Variants in RNF157 observed in about 807,000 individuals in gnomAD.
RNF157 encodes ring finger protein 157.
A neutral mutation model predicts 88.3 loss-of-function variants in RNF157; 55 were observed. That is an observed-to-expected ratio of 0.62 (90% CI 0.50 to 0.78). The LOEUF is 0.78. Among genes scored for constraint, RNF157 ranks in the 30% least tolerant of loss-of-function variants. RNF157 has a pLI of 0.00. For missense variants in RNF157, 788 were observed against 860.8 expected, an observed-to-expected ratio of 0.92 and a Z score of 1.06; for synonymous variants, 334 against 341.2, an observed-to-expected ratio of 0.98 and a Z score of 0.23.
At position 76,144,895 on chromosome 17, in the gene RNF157, C is replaced by G. The variant is rs902840424; in HGVS notation, c.*340G>C. On this transcript the variant is annotated 3_prime_UTR_variant, in exon 19 of 19. Coordinates refer to ENST00000269391, the MANE Select transcript of RNF157 (RefSeq NM_052916.3). Reference sequence around the variant, plus strand: ...ATGTTTGTAACAAAGCTGCCAAACTCTAAGCCTTCTTGTTCTACCCCCTAA... The same window carrying G: ...ATGTTTGTAACAAAGCTGCCAAACTGTAAGCCTTCTTGTTCTACCCCCTAA... 9.1e-6 allele frequency: 2 copies of G among 218,996 alleles called. No individual in the cohort carries two copies. Among genetic ancestry groups the G allele is most frequent in the Non-Finnish European group, 1.8e-5 (2 of 111,376 alleles). 13.6% of individuals were successfully genotyped at this position (218,996 alleles called of 1,614,324 possible).
intron 1 of RNF157, among the ~76,000 whole-genome samples, chr17:76,234,691 G>A (rs1437278696): frequency 1.3e-5 from 2 of 152,124 alleles, no homozygotes; most frequent in Non-Finnish European, 2.9e-5. Context: ...TTCAAGTGCT[G>A]TGACCATTTT....
At chr17:76,192,572 G>A (rs2069405366) in intron 2 of RNF157, among the ~76,000 whole-genome samples, 4 of 152,136 alleles carry the variant, frequency 2.6e-5, no homozygotes, top group Admixed American at 2.6e-4. Context: ...TGACTCTTTA[G>A]ATTTTGAATA....
At chr17:76,165,425 C>A in intron 7 of RNF157, 77 bp downstream of exon 7, 1 of 1,478,880 alleles carries the variant, frequency 6.8e-7, no homozygotes, top group South Asian at 1.1e-5. Context: ...CTCAGGCACC[C>A]AGCAAACGGG....
intron 4 of RNF157, 28 bp from the exon 5 acceptor site, chr17:76,167,154 A>G (rs776813864): frequency 6.4e-7 from 1 of 1,551,566 alleles, no homozygotes; most frequent in South Asian, 1.1e-5. Context: ...AGGCAAAGCA[A>G]AAGTCAGTAT....
chr17:76,164,782 G>C lies in RNF157; in HGVS notation c.686C>G (p.Thr229Ser), dbSNP rs765996279. The change falls in exon 8 of 19, where the codon ACT (threonine) becomes AGT (serine). Residue 229 changes from threonine to serine, a missense_variant. Thr to Ser is a moderately conservative substitution (Grantham distance 58). Transcript: ENST00000269391. The part of the protein sequence containing the change: ...LGTFEKHTDG[T>S]FCVKPLKQKQ... ...CTGTTTGAGGGGCTTGACACAGAAA[G>C]TTCCATCTGTGTGCTGGAATGAAAA... 3 of 1,611,236 alleles carry C rather than the reference G, an allele frequency of 1.9e-6. No individual in the cohort carries two copies. Among genetic ancestry groups the C allele is most frequent in the Admixed American group, 1.7e-5 (1 of 59,936 alleles).
rs542278719 is a variant in RNF157 at position 76,177,713 on chromosome 17, G to T, written c.208-3923C>A. Among the ~76,000 whole-genome samples the T allele has an allele frequency of 2.0e-3, 301 of 152,200 alleles. 1 individual carries two copies. Among genetic ancestry groups the T allele is most frequent in the African/African-American group, 6.8e-3 (281 of 41,538 alleles). On this transcript the variant is annotated intron_variant, in intron 2 of 18. Transcript: ENST00000269391. The stretch of plus-strand genomic sequence containing the variant: ...TCCTCCCCTCTGAGGCCCATAAAAG[G>T]CCCAGGCTCAGCCAGAACAGAGCAG...
intron 1 of RNF157, among the ~76,000 whole-genome samples, chr17:76,224,214 T>C (rs2070038051): frequency 1.3e-5 from 2 of 152,230 alleles, no homozygotes; most frequent in Admixed American, 6.6e-5. Context: ...ATTAAATAAT[T>C]TGCCTAATCA....
chr17:76,161,404 C>G lies in RNF157; in HGVS notation c.1065+131G>C. ...GTTGGTTTTAACGCATGCTCTCAGCCGGCTTGCTAAATACTGCAGCATGCC... is the reference window on the plus strand; with the variant it reads ...GTTGGTTTTAACGCATGCTCTCAGCGGGCTTGCTAAATACTGCAGCATGCC... On this transcript the variant is annotated intron_variant, in intron 11 of 18. Coordinates refer to ENST00000269391, the MANE Select transcript of RNF157 (RefSeq NM_052916.3). The surrounding 1 kb of genome is among the most constrained non-coding windows in gnomAD (Gnocchi z 4.6). 1.4e-6 allele frequency: 1 copy of G among 732,490 alleles called. No homozygotes were observed. Among genetic ancestry groups the G allele is most frequent in the Non-Finnish European group, 2.4e-6 (1 of 423,400 alleles). 45.4% of individuals were successfully genotyped at this position (732,490 alleles called of 1,614,324 possible). A position where few individuals can be genotyped will look rare whatever the true frequency, so the allele number is the denominator to read the frequency against.
intron 16 of RNF157, among the ~76,000 whole-genome samples, chr17:76,154,989 G>A (rs1210610191): frequency 1.3e-5 from 2 of 152,210 alleles, no homozygotes; most frequent in East Asian, 1.9e-4. Context: ...AAGGCCAGGG[G>A]CTGGCCAGAA....
rs556576371 is a variant in RNF157 at position 76,161,671 on chromosome 17, C to T, written c.953-24G>A. The T allele has an allele frequency of 5.0e-6, 8 of 1,596,568 alleles. No individual in the cohort carries two copies. In the South Asian group the frequency reaches 8.8e-5, roughly 18 times the overall value. ...GGCTGTGAAGGAGAAAACAGGCAAT[C>T]AGGACATCCTGATACAGGATTAAGA... On this transcript the variant is annotated intron_variant, in intron 10 of 18. Coordinates refer to ENST00000269391, the MANE Select transcript of RNF157 (RefSeq NM_052916.3). The surrounding 1 kb of genome is among the most constrained non-coding windows in gnomAD (Gnocchi z 4.6).
intron 1 of RNF157, among the ~76,000 whole-genome samples, chr17:76,219,175 T>C (rs1411014787): frequency 2.0e-5 from 3 of 151,794 alleles, no homozygotes; most frequent in Non-Finnish European, 4.4e-5. Flanking sequence ...ATAATAATAA[T>C]AACAATTTAA....
chr17:76,240,166 G>T lies in RNF157; in HGVS notation c.75C>A (p.Tyr25Ter). ...VDIPSNSVYR[Y>*]PPKSGSYFAS... Reference sequence around the variant, plus strand: ...GCCCGCCCTCACCGGACTTGGGCGGGTAGCGGTACACGGAATTAGACGGGA... The same window carrying T: ...GCCCGCCCTCACCGGACTTGGGCGGTTAGCGGTACACGGAATTAGACGGGA... Residue 25 changes from tyrosine (Y) to a stop codon, truncating the protein, a stop_gained, in exon 1 of 19, where the codon TAC becomes TAA. Coordinates refer to ENST00000269391, the MANE Select transcript of RNF157 (RefSeq NM_052916.3). LOFTEE classifies it high-confidence loss of function. This position sits in a 1 kb window ranked among gnomAD's most constrained non-coding sequence, Gnocchi z 4.4. The T allele has an allele frequency of 7.3e-7, 1 of 1,375,024 alleles. No individual in the cohort carries two copies. 85.2% of individuals were successfully genotyped at this position (1,375,024 alleles called of 1,614,324 possible). A position where few individuals can be genotyped will look rare whatever the true frequency, so the allele number is the denominator to read the frequency against.
At chr17:76,224,223 C>A (rs115035889) in intron 1 of RNF157, among the ~76,000 whole-genome samples, 2,106 of 152,260 alleles carry the variant, frequency 0.014, 63 homozygotes, top group African/African-American at 0.049. Flanking sequence ...TTTGCCTAAT[C>A]ATTTTGAATT....
intron 2 of RNF157, among the ~76,000 whole-genome samples, chr17:76,187,280 T>C (rs970461457): frequency 6.6e-6 from 1 of 151,410 alleles, no homozygotes; most frequent in Non-Finnish European, 1.5e-5. Flanking sequence ...GCCTCCCAGG[T>C]TCAAGCCATT....
intron 18 of RNF157, chr17:76,147,325 G>C: frequency 1.0e-6 from 1 of 986,172 alleles, no homozygotes; most frequent in Non-Finnish European, 1.2e-6. Flanking sequence ...CAGTAGGAAA[G>C]ACCAAAAGCA....
Position 76,195,473 on chromosome 17 carries a change from C to T in RNF157, c.207+16891G>A, listed in dbSNP as rs572197208. Among the ~76,000 whole-genome samples, 49 of 152,280 alleles carry T rather than the reference C, an allele frequency of 3.2e-4. No homozygotes were observed. The highest frequency in any genetic ancestry group is 9.6e-4 in the African/African-American group (40 of 41,560). On this transcript the variant is annotated intron_variant, in intron 2 of 18. Coordinates refer to ENST00000269391, the MANE Select transcript of RNF157 (RefSeq NM_052916.3). The surrounding 1 kb of genome is among the most constrained non-coding windows in gnomAD (Gnocchi z 4.4). The stretch of plus-strand genomic sequence containing the variant: ...TAGAATCACTTTGAAAAGCGGTTAG[C>T]GGTATCTACTACAGCATATTCTATG...
Position 76,176,988 on chromosome 17 carries a change from G to A in RNF157, c.208-3198C>T, listed in dbSNP as rs995354057. On this transcript the variant is annotated intron_variant, in intron 2 of 18. Coordinates refer to ENST00000269391, the MANE Select transcript of RNF157 (RefSeq NM_052916.3). The surrounding 1 kb of genome is among the most constrained non-coding windows in gnomAD (Gnocchi z 4.2). ...TGCGCCCCCAGGTCTGCCCCACATT[G>A]GGGTGACCACTGAGCCTGACACTCC... is the stretch of plus-strand genomic sequence containing the variant. Among the ~76,000 whole-genome samples the A allele has an allele frequency of 1.3e-5, 2 of 152,140 alleles. No individual in the cohort carries two copies. Among genetic ancestry groups the A allele is most frequent in the African/African-American group, 4.8e-5 (2 of 41,446 alleles).
In RNF157 at chr17:76,162,048, T is replaced by G. The variant is rs377281981; in HGVS notation, c.793-46A>C. 9.9e-5 allele frequency: 156 copies of G among 1,581,650 alleles called. No homozygotes were observed. The Middle Eastern group carries it at 1.7e-3, about 17-fold the overall frequency. ...GTAGCCAATGGCACAAAGCCCTTCC[T>G]GTCCCATACTTTACTGACAAGGCAG... On this transcript the variant is annotated intron_variant, in intron 9 of 18. Transcript: ENST00000269391.
chr17:76,166,127 G>A (rs539765022), intron 6 of RNF157, among the ~76,000 whole-genome samples: 3 of 152,198 alleles, frequency 2.0e-5, no homozygotes, highest in South Asian at 4.2e-4. Context: ...GGTGCACACT[G>A]CCATACCCAG....
Sources: allele counts gnomAD v4.1 joint callset (sites outside exome capture counted in the v4.1 genomes callset), GRCh38; gene constraint gnomAD v4.1.1; non-coding constraint Gnocchi (gnomAD v3.1); transcripts MANE v1.5; gene names NCBI Gene and HGNC (gene_info 2026-07-23, HGNC 2026-07-21).